Variants in PRKRA observed in about 807,000 individuals in gnomAD.
PRKRA encodes the protein interferon-inducible double-stranded RNA-dependent protein kinase activator A.
PRKRA carries 22 observed loss-of-function variants against 32.4 expected under a neutral mutation model. The observed-to-expected ratio is 0.68, with a 90% CI of 0.49 to 0.97. The LOEUF (loss-of-function observed/expected upper bound fraction) is 0.97. Ranked by LOEUF, PRKRA falls within the 50% of genes least tolerant of loss-of-function variation. The pLI is 0.00. For missense variants in PRKRA, 319 were observed against 375.6 expected (o/e 0.85, Z 1.25); for synonymous variants, 139 against 129.8 (o/e 1.07, Z -0.48).
chr2:178,440,567 A>C (rs997230416), intron 6 of PRKRA, among the ~76,000 whole-genome samples: 4 of 152,158 alleles, frequency 2.6e-5, no homozygotes, highest in African/African-American at 9.7e-5. Context: ...GCCAAGTTTA[A>C]AATAGTAATT....
At chr2:178,440,130 C>A (rs1437102370) in intron 6 of PRKRA, 3 of 152,134 alleles carry the variant, frequency 2.0e-5, no homozygotes, top group Non-Finnish European at 2.9e-5. Context: ...CCAATTTCAC[C>A]TGTAAATCTG....
At chr2:178,436,009 A>G in intron 7 of PRKRA, 136 bp downstream of exon 7, 1 of 734,976 alleles carries the variant, frequency 1.4e-6, no homozygotes. Flanking sequence ...CTGGCCTAGT[A>G]ATTATATATA....
At position 178,431,892 on chromosome 2, in the gene PRKRA, A is replaced by AAAT; in HGVS notation, c.*202_*204dup. 1 of 653,420 alleles carries AAAT rather than the reference A, an allele frequency of 1.5e-6. No individual in the cohort carries two copies. Among genetic ancestry groups the AAAT allele is most frequent in the African/African-American group, 1.8e-5 (1 of 54,346 alleles). The allele number at this position is 653,420 out of a possible 1,614,324, so 40.5% of individuals were successfully genotyped here. A position where few individuals can be genotyped will look rare whatever the true frequency, so the allele number is the denominator to read the frequency against. On this transcript the variant is annotated 3_prime_UTR_variant, in exon 8 of 8. Transcript: ENST00000325748. ...CTCTCTCTTGTGGTACAAAGTTTAT[A>AAAT]AATACAGTATACTGATACAAAGTTG...
chr2:178,447,294 T>G (rs558218312), intron 3 of PRKRA: 1 of 775,840 alleles, frequency 1.3e-6, no homozygotes, highest in African/African-American at 1.8e-5. Context: ...TAAAGCCTAG[T>G]TCATGAGCAC....
rs572164258 is a variant in PRKRA, at chr2:178,448,087, TGCTAG to T, written c.236-506_236-502del. Among the ~76,000 whole-genome samples, 271 of 152,354 alleles carry T rather than the reference TGCTAG, an allele frequency of 1.8e-3. 3 individuals carry two copies. Among genetic ancestry groups the T allele is most frequent in the Middle Eastern group, 3.4e-3 (1 of 294 alleles). ...TGTCCTATAACGTATCAAACTGCTT[TGCTAG>T]GCTGAGCAGTCATGATTATGTGTTG... On this transcript the variant is annotated intron_variant, in intron 2 of 7. Transcript: ENST00000325748.
At chr2:178,437,194 T>C (rs1696935302) in intron 6 of PRKRA, among the ~76,000 whole-genome samples, 1 of 152,196 alleles carries the variant, frequency 6.6e-6, no homozygotes, top group Admixed American at 6.5e-5. Context: ...TTATAGAAAC[T>C]TTAAAATACT....
chr2:178,445,168 T>A (rs1255185236), intron 3 of PRKRA, among the ~76,000 whole-genome samples: 2 of 152,218 alleles, frequency 1.3e-5, no homozygotes, highest in East Asian at 3.8e-4. Flanking sequence ...TAGATGAATT[T>A]GGTTTTAGCA....
chr2:178,431,995 T>A lies in PRKRA; in HGVS notation c.*102A>T. 1 of 1,336,570 alleles carries A rather than the reference T, an allele frequency of 7.5e-7. No individual in the cohort carries two copies. The highest frequency in any genetic ancestry group is 1.1e-6 in the Non-Finnish European group (1 of 949,986). 82.8% of individuals were successfully genotyped at this position (1,336,570 alleles called of 1,614,324 possible). Reference sequence around the variant, plus strand: ...GTGTTGATGGAATCTATGAAGAGATTTAGAAACAAGACATAAACACTACGG... The same window carrying A: ...GTGTTGATGGAATCTATGAAGAGATATAGAAACAAGACATAAACACTACGG... On this transcript the variant is annotated 3_prime_UTR_variant, in exon 8 of 8. Transcript: ENST00000325748.
At chr2:178,433,766 G>C (rs529622393) in intron 7 of PRKRA, 1 of 152,316 alleles carries the variant, frequency 6.6e-6, no homozygotes, top group East Asian at 1.9e-4. Flanking sequence ...GGGATTACAG[G>C]TGTGAGCCAC....
chr2:178,436,599 C>CG (rs1327385182), intron 6 of PRKRA, among the ~76,000 whole-genome samples: 1 of 152,056 alleles, frequency 6.6e-6, no homozygotes, highest in African/African-American at 2.4e-5. Context: ...TTCTGATGGT[C>CG]ACATTAAGAG....
intron 4 of PRKRA, chr2:178,444,142 C>A (rs1398741566): frequency 3.0e-6 from 1 of 332,784 alleles, no homozygotes; most frequent in African/African-American, 2.1e-5. Context: ...GTAGCAAGAA[C>A]TATTCTTAAA....
chr2:178,440,570 T>C (rs1468072487), intron 6 of PRKRA, among the ~76,000 whole-genome samples: 2 of 152,196 alleles, frequency 1.3e-5, no homozygotes, highest in Non-Finnish European at 2.9e-5. Context: ...AAGTTTAAAA[T>C]AGTAATTTCC....
Position 178,450,959 on chromosome 2 carries a change from C to A in PRKRA, c.65+7G>T. 2 of 1,559,988 alleles carry A rather than the reference C, an allele frequency of 1.3e-6. No homozygotes were observed. Among genetic ancestry groups the A allele is most frequent in the Non-Finnish European group, 1.7e-6 (2 of 1,158,522 alleles). Reference sequence around the variant, plus strand: ...GGCCCTGGGGCCCTGACTGCCCGCACGCTGACCTGAAGGTCCCACTGTCCT... The same window carrying A: ...GGCCCTGGGGCCCTGACTGCCCGCAAGCTGACCTGAAGGTCCCACTGTCCT... On this transcript the variant is annotated splice_region_variant and intron_variant, in intron 1 of 7. Coordinates refer to ENST00000325748, the MANE Select transcript of PRKRA (RefSeq NM_003690.5).
intron 6 of PRKRA, chr2:178,440,071 G>A (rs1042530761): frequency 7.2e-5 from 11 of 151,970 alleles, no homozygotes; most frequent in African/African-American, 2.7e-4. Context: ...TACATTGCCT[G>A]AAAAGAGTTT....
intron 3 of PRKRA, 114 bp from the exon 4 acceptor site, chr2:178,444,614 C>G: frequency 3.1e-6 from 2 of 649,204 alleles, no homozygotes; most frequent in Non-Finnish European, 2.5e-6. Context: ...ATTCCTTCTA[C>G]ATGGAATGCC....
At chr2:178,446,885 T>C (rs895203720) in intron 3 of PRKRA, among the ~76,000 whole-genome samples, 3 of 145,762 alleles carry the variant, frequency 2.1e-5, no homozygotes, top group South Asian at 4.3e-4. Context: ...CCCAGCTACT[T>C]GGGAGGCTGA....
chr2:178,444,130 G>T (rs998121743), intron 4 of PRKRA: 5 of 295,280 alleles, frequency 1.7e-5, no homozygotes, highest in Non-Finnish European at 3.2e-5. Flanking sequence ...TTTGTCACAA[G>T]AGTAGCAAGA....
intron 7 of PRKRA, chr2:178,433,455 T>A (rs1696752406): frequency 6.6e-6 from 1 of 152,160 alleles, no homozygotes; most frequent in African/African-American, 2.4e-5. Flanking sequence ...CTGAACTGTT[T>A]TATATTCCCA....
chr2:178,444,226 T>C (rs1332689803), intron 4 of PRKRA, among the ~76,000 whole-genome samples, 196 bp downstream of exon 4: 2 of 152,164 alleles, frequency 1.3e-5, no homozygotes, highest in African/African-American at 4.8e-5. Context: ...CAAAGGCAAA[T>C]ACTGTATATG....
Sources: gnomAD v4.1 joint callset for allele counts (sites outside exome capture counted in the v4.1 genomes callset) on GRCh38, gnomAD v4.1.1 for gene constraint, MANE v1.5 for transcripts, NCBI Gene and HGNC (gene_info 2026-07-23, HGNC 2026-07-21) for gene names.